Variants in CNTNAP2 observed in about 807,000 individuals in gnomAD.
CNTNAP2 encodes contactin associated protein 2.
In CNTNAP2, 98 loss-of-function variants were observed where a neutral mutation model predicts 155.2. The ratio of observed to expected loss-of-function variants is 0.63; its 90% CI spans 0.54 to 0.75. The LOEUF is 0.75. Among genes scored for constraint, CNTNAP2 ranks in the 30% least tolerant of loss-of-function variants. The pLI is 0.00. For synonymous variants in CNTNAP2, 651 were observed against 631.2 expected (o/e 1.03, Z -0.47); for missense variants, 1,727 against 1,688.1 (o/e 1.02, Z -0.40).
intron 14 of CNTNAP2, among the ~76,000 whole-genome samples, chr7:147,954,390 G>T (rs940169111): frequency 3.9e-5 from 6 of 151,900 alleles, no homozygotes; most frequent in African/African-American, 1.2e-4. Context: ...TATGTGAGTA[G>T]AAGATATAGC....
intron 3 of CNTNAP2, among the ~76,000 whole-genome samples, chr7:147,036,963 A>G (rs1345641184): frequency 1.3e-5 from 2 of 152,226 alleles, no homozygotes; most frequent in East Asian, 1.9e-4. Flanking sequence ...TTACTTTAGT[A>G]TTTACTAAAT....
At chr7:147,856,958 GTT>G (rs1799050089) in intron 13 of CNTNAP2, among the ~76,000 whole-genome samples, 1 of 152,174 alleles carries the variant, frequency 6.6e-6, no homozygotes, top group South Asian at 2.1e-4. Flanking sequence ...CCCCAGGAAA[GTT>G]TGTCACAGCC....
intron 2 of CNTNAP2, among the ~76,000 whole-genome samples, 167 bp from the exon 3 acceptor site, chr7:146,839,541 GGAA>G (rs1803678777): frequency 6.6e-6 from 1 of 152,074 alleles, no homozygotes; most frequent in Non-Finnish European, 1.5e-5. Context: ...GTTACCAGCT[GGAA>G]GAATATTAGT....
At chr7:147,754,024 G>A (rs11971275) in intron 13 of CNTNAP2, among the ~76,000 whole-genome samples, 2,647 of 152,190 alleles carry the variant, frequency 0.017, 49 homozygotes, top group African/African-American at 0.055. Flanking sequence ...AAGTACCACT[G>A]CAGCCCTCGT....
intron 13 of CNTNAP2, among the ~76,000 whole-genome samples, chr7:147,699,451 G>A: frequency 6.6e-6 from 1 of 151,992 alleles, no homozygotes. Flanking sequence ...GGCCTGTCGT[G>A]GGGTGGGGGG....
At chr7:148,306,304 G>A (rs1204313913) in intron 21 of CNTNAP2, among the ~76,000 whole-genome samples, 1 of 152,006 alleles carries the variant, frequency 6.6e-6, no homozygotes, top group Non-Finnish European at 1.5e-5. Context: ...GGTCTATTTT[G>A]ACTCTTTCTG....
intron 1 of CNTNAP2, among the ~76,000 whole-genome samples, chr7:146,764,908 C>T (rs1291963392): frequency 6.6e-6 from 1 of 151,972 alleles, no homozygotes; most frequent in Non-Finnish European, 1.5e-5. Context: ...TGATTGTGTT[C>T]AATATTTTTC....
At chr7:146,270,212 T>C (rs967275104) in intron 1 of CNTNAP2, among the ~76,000 whole-genome samples, 2 of 152,218 alleles carry the variant, frequency 1.3e-5, no homozygotes, top group African/African-American at 2.4e-5. Context: ...CTATAGTTTA[T>C]GTATAGAATT....
intron 1 of CNTNAP2, among the ~76,000 whole-genome samples, chr7:146,554,286 A>G (rs762476214): frequency 7.9e-5 from 12 of 152,062 alleles, no homozygotes; most frequent in Admixed American, 7.2e-4. Flanking sequence ...TAACGACAGT[A>G]TTTGTCTTTT....
At chr7:146,336,879 A>G (rs1202542086) in intron 1 of CNTNAP2, among the ~76,000 whole-genome samples, 1 of 152,216 alleles carries the variant, frequency 6.6e-6, no homozygotes, top group African/African-American at 2.4e-5. Context: ...CCTTCTTGAA[A>G]TAAAGACAAT....
intron 21 of CNTNAP2, among the ~76,000 whole-genome samples, chr7:148,370,962 G>A (rs941746535): frequency 1.3e-5 from 2 of 152,058 alleles, no homozygotes; most frequent in Non-Finnish European, 2.9e-5. Flanking sequence ...CTCAAGCATG[G>A]TGCCATCCTC....
intron 2 of CNTNAP2, among the ~76,000 whole-genome samples, chr7:146,800,555 C>A (rs187967344): frequency 6.6e-6 from 1 of 152,154 alleles, no homozygotes; most frequent in South Asian, 2.1e-4. Flanking sequence ...CCAAAATATG[C>A]AGGTTGTTCA....
At chr7:148,181,672 A>G (rs1414504361) in intron 18 of CNTNAP2, among the ~76,000 whole-genome samples, 1 of 151,498 alleles carries the variant, frequency 6.6e-6, no homozygotes, top group Non-Finnish European at 1.5e-5. Context: ...TTCTAAATCT[A>G]ATACAGGACA....
chr7:146,658,786 A>G (rs913677245), intron 1 of CNTNAP2, among the ~76,000 whole-genome samples: 8 of 152,374 alleles, frequency 5.3e-5, no homozygotes, highest in Admixed American at 2.0e-4. Context: ...ACAGTGTGAA[A>G]AGAATAACAG....
At position 146,865,051 on chromosome 7, in the gene CNTNAP2, C is replaced by CA. The variant is rs1364474669; in HGVS notation, c.402+25153dup. On this transcript the variant is annotated intron_variant, in intron 3 of 23. Coordinates refer to ENST00000361727, the MANE Select transcript of CNTNAP2 (RefSeq NM_014141.6). ...AAGGCAACAGGTTATAAGATTAATA[C>CA]AAAAAATTCTATATGCTAGCATCAA... 7.6e-5 allele frequency among the ~76,000 whole-genome samples: 9 copies of CA among 118,964 alleles called. No individual in the cohort carries two copies. The East Asian group carries it at 2.2e-3, about 30-fold the overall frequency. The allele number at this position is 118,964 out of a possible 152,430, so 78.0% of individuals were successfully genotyped here.
At chr7:146,972,086 A>G (rs1797812239) in intron 3 of CNTNAP2, among the ~76,000 whole-genome samples, 2 of 152,156 alleles carry the variant, frequency 1.3e-5, no homozygotes. Context: ...ATGACTGACA[A>G]GATAACCAGC....
chr7:146,315,686 G>T (rs1800894570), intron 1 of CNTNAP2, among the ~76,000 whole-genome samples: 1 of 151,894 alleles, frequency 6.6e-6, no homozygotes, highest in Non-Finnish European at 1.5e-5. Context: ...TTATACATTT[G>T]TATTTTTTCA....
At chr7:146,129,818 T>C (rs1797688814) in intron 1 of CNTNAP2, among the ~76,000 whole-genome samples, 1 of 152,206 alleles carries the variant, frequency 6.6e-6, no homozygotes, top group South Asian at 2.1e-4. Flanking sequence ...AGTTCTCTTT[T>C]ATTGAATAGG....
In CNTNAP2 at chr7:148,229,751, C is replaced by A; in HGVS notation, c.3353C>A (p.Thr1118Asn). The A allele has an allele frequency of 1.2e-6, 2 of 1,614,064 alleles. No homozygotes were observed. The highest frequency in any genetic ancestry group is 1.1e-5 in the South Asian group (1 of 91,068). ...ANGQPHSVNI[T>N]RHEKTIFLKL... ...GGACAGCCCCACAGTGTCAACATCA[C>A]CCGCCACGAGAAGACCATCTTTCTC... Residue 1118 changes from threonine (T) to asparagine (N), a missense_variant, in exon 20 of 24, where the codon ACC becomes AAC. Thr to Asn is a moderately conservative substitution (Grantham distance 65, BLOSUM62 0). Coordinates refer to ENST00000361727, the MANE Select transcript of CNTNAP2 (RefSeq NM_014141.6).
Sources: allele counts gnomAD v4.1 joint callset (sites outside exome capture counted in the v4.1 genomes callset), GRCh38; gene constraint gnomAD v4.1.1; transcripts MANE v1.5; gene names NCBI Gene and HGNC (gene_info 2026-07-23, HGNC 2026-07-21).